Variants in NCBP3 observed in about 807,000 individuals in gnomAD.
NCBP3 encodes the protein nuclear cap binding subunit 3, also known as nuclear cap-binding protein subunit 3.
A neutral mutation model predicts 75.7 loss-of-function variants in NCBP3; 20 were observed. That is an observed-to-expected ratio of 0.26 (90% confidence interval 0.19 to 0.38). The LOEUF (loss-of-function observed/expected upper bound fraction) is 0.38, where lower values mean the gene tolerates loss of function less well. Ranked by LOEUF, NCBP3 falls within the 10% of genes least tolerant of loss-of-function variation. NCBP3 has a pLI of 1.00. For missense variants in NCBP3, 678 were observed against 796.9 expected (o/e 0.85, Z 1.80); for synonymous variants, 293 against 290.5 (o/e 1.01, Z -0.09).
At chr17:3,831,498 G>A (rs1471230879) in intron 3 of NCBP3, among the ~76,000 whole-genome samples, 6 of 144,932 alleles carry the variant, frequency 4.1e-5, no homozygotes, top group East Asian at 2.2e-4. Flanking sequence ...GCGTGAACCC[G>A]GGAGGCGGAG....
intron 7 of NCBP3, among the ~76,000 whole-genome samples, chr17:3,823,460 G>T (rs577626526): frequency 6.6e-6 from 1 of 152,244 alleles, no homozygotes; most frequent in Non-Finnish European, 1.5e-5. Flanking sequence ...AAAACAGAAG[G>T]CTCTTCCTTA....
chr17:3,830,609 G>A (rs1486517900), intron 3 of NCBP3, among the ~76,000 whole-genome samples: 1 of 152,202 alleles, frequency 6.6e-6, no homozygotes, highest in Non-Finnish European at 1.5e-5. Context: ...TATTTTTTGA[G>A]ATGGAGTCTC....
chr17:3,836,999 T>C (rs780871665), intron 3 of NCBP3, among the ~76,000 whole-genome samples: 101 of 146,006 alleles, frequency 6.9e-4, no homozygotes, highest in Non-Finnish European at 1.2e-3. Flanking sequence ...ATACAAAAAA[T>C]TAGTTGGGCA....
intron 9 of NCBP3, among the ~76,000 whole-genome samples, chr17:3,819,461 G>A (rs2053618980): frequency 6.6e-6 from 1 of 151,970 alleles, no homozygotes; most frequent in Non-Finnish European, 1.5e-5. Flanking sequence ...TCGGGAGGCT[G>A]AGGTAGGAGA....
chr17:3,846,173 C>T lies in NCBP3; in HGVS notation c.51G>A (p.Ala17=). The part of the protein sequence containing the change: ...LRVSVKAEAP[A]GPALGLPSPE... ...GGGACGGGAGCCCCAGGGCCGGCCCCGCCGGGGCCTCCGCCTTCACCGACA... is the reference window on the plus strand; with the variant it reads ...GGGACGGGAGCCCCAGGGCCGGCCCTGCCGGGGCCTCCGCCTTCACCGACA... The change falls in exon 1 of 13, where the codon GCG becomes GCA. Residue 17 remains alanine (A), a synonymous_variant. Transcript: ENST00000389005. The surrounding 1 kb of genome is among the most constrained non-coding windows in gnomAD (Gnocchi z 4.6). 3 of 1,522,564 alleles carry T rather than the reference C, an allele frequency of 2.0e-6. No homozygotes were observed. The highest frequency in any genetic ancestry group is 1.2e-5 in the South Asian group (1 of 82,584). 94.3% of individuals were successfully genotyped at this position (1,522,564 alleles called of 1,614,324 possible).
chr17:3,843,278 C>T (rs2143722509), intron 1 of NCBP3, 127 bp from the exon 2 acceptor site: 5 of 718,868 alleles, frequency 7.0e-6, no homozygotes, highest in Non-Finnish European at 2.3e-6. Flanking sequence ...CAGTGTCTTG[C>T]TCTGTTGCCC....
chr17:3,826,182 G>A lies in NCBP3; in HGVS notation c.515C>T (p.Thr172Ile). 6.4e-7 allele frequency: 1 copy of A among 1,550,926 alleles called. No homozygotes were observed. The highest frequency in any genetic ancestry group is 8.7e-7 in the Non-Finnish European group (1 of 1,146,594). Residue 172 changes from threonine to isoleucine, a missense_variant, in exon 5 of 13, where the codon ACA (threonine) becomes ATA (isoleucine). Physicochemically the swap from Thr to Ile is moderately conservative, Grantham distance 89 (BLOSUM62 -1). Around this residue, in one of 7 missense-constraint regions of NCBP3, gnomAD observed 98 missense variants for 101.8 expected, o/e 0.96. Coordinates refer to ENST00000389005, the MANE Select transcript of NCBP3 (RefSeq NM_001114118.3). ...NVVWLDEMTA[T>I]RALINMSSLP... ...GGAGCTCATATTGATAAGTGCTCGT[G>A]TGGCTGTCATTTCATCCAGCCAAAC...
At chr17:3,815,417 C>A (rs1240007968) in intron 11 of NCBP3, among the ~76,000 whole-genome samples, 1 of 152,224 alleles carries the variant, frequency 6.6e-6, no homozygotes, top group Non-Finnish European at 1.5e-5. Flanking sequence ...AGCACCTAGA[C>A]CAGGGTCTGG....
intron 12 of NCBP3, among the ~76,000 whole-genome samples, chr17:3,813,907 C>G (rs1367793253): frequency 6.6e-6 from 1 of 152,002 alleles, no homozygotes; most frequent in East Asian, 1.9e-4. Flanking sequence ...CAAGTGATCC[C>G]CCCGTCTCGG....
chr17:3,831,149 G>A (rs1431314871), intron 3 of NCBP3, among the ~76,000 whole-genome samples: 1 of 150,878 alleles, frequency 6.6e-6, no homozygotes, highest in Non-Finnish European at 1.5e-5. Flanking sequence ...GACCTCAGGT[G>A]ATCCGCCTGC....
rs1229206191 is a variant in NCBP3 at position 3,832,436 on chromosome 17, C to G, written c.356-3068G>C. Among the ~76,000 whole-genome samples, 11 of 117,798 alleles carry G rather than the reference C, an allele frequency of 9.3e-5. 4 individuals carry two copies. The highest frequency in any genetic ancestry group is 2.2e-4 in the Non-Finnish European group (11 of 49,116). The allele number at this position is 117,798 out of a possible 152,430, so 77.3% of individuals were successfully genotyped here. On this transcript the variant is annotated intron_variant, in intron 3 of 12. Transcript: ENST00000389005. ...ATCACAAGGTCAGATCGAGACCATC[C>G]TGGCCAACACGGTGAAACCCCGTCT...
chr17:3,818,398 G>T lies in NCBP3; in HGVS notation c.1175C>A (p.Ser392Tyr). The change falls in exon 10 of 13, where the codon TCC becomes TAC. Residue 392 changes from serine (S) to tyrosine (Y), a missense_variant. By Grantham distance (144) the Ser-to-Tyr change is moderately radical. Transcript: ENST00000389005. This position sits in a 1 kb window ranked among gnomAD's most constrained non-coding sequence, Gnocchi z 4.7. ...QPRERSASRRSSASSSDSDEM... is the reference protein window; with the variant it reads ...QPRERSASRRYSASSSDSDEM... The stretch of plus-strand genomic sequence containing the variant: ...ATCTGAGTCTGAGCTGCTGGCACTG[G>T]ATCGTCTAGACGCGCTCCGCTCCCG... 1.9e-6 allele frequency: 3 copies of T among 1,614,122 alleles called. No individual in the cohort carries two copies. Among genetic ancestry groups the T allele is most frequent in the Non-Finnish European group, 2.5e-6 (3 of 1,180,004 alleles).
At chr17:3,820,362 T>C (rs1331933479) in intron 9 of NCBP3, among the ~76,000 whole-genome samples, 1 of 152,244 alleles carries the variant, frequency 6.6e-6, no homozygotes, top group African/African-American at 2.4e-5. Flanking sequence ...AATGTGTGTA[T>C]ATGTTATTTT....
In NCBP3 at chr17:3,818,254, A is replaced by C. The variant is rs748883767; in HGVS notation, c.1310+9T>G. Reference sequence around the variant, plus strand: ...ATTAAAAGCTAGCTTTGATAAAACAAATTTTTACCTAATATTTTTCAACTG... The same window carrying C: ...ATTAAAAGCTAGCTTTGATAAAACACATTTTTACCTAATATTTTTCAACTG... On this transcript the variant is annotated intron_variant, in intron 10 of 12. Transcript: ENST00000389005. This position sits in a 1 kb window ranked among gnomAD's most constrained non-coding sequence, Gnocchi z 4.7. 6.4e-7 allele frequency: 1 copy of C among 1,559,868 alleles called. No homozygotes were observed. Among genetic ancestry groups the C allele is most frequent in the African/African-American group, 1.4e-5 (1 of 72,848 alleles).
intron 7 of NCBP3, chr17:3,824,349 CACACAT>C (rs1305611027): frequency 1.3e-5 from 2 of 148,776 alleles, no homozygotes; most frequent in Non-Finnish European, 3.0e-5. Flanking sequence ...TACATACACA[CACACAT>C]ACACACACAC....
intron 10 of NCBP3, among the ~76,000 whole-genome samples, chr17:3,817,216 A>AAT (rs2053551800): frequency 6.6e-6 from 1 of 151,980 alleles, no homozygotes; most frequent in African/African-American, 2.4e-5. Flanking sequence ...TGCACATTAA[A>AAT]ATAACTATTT....
chr17:3,815,035 T>C (rs2053503519), intron 11 of NCBP3, among the ~76,000 whole-genome samples: 3 of 152,212 alleles, frequency 2.0e-5, no homozygotes, highest in Admixed American at 1.3e-4. Flanking sequence ...CCTCTCACTT[T>C]AGCTTCTCTC....
rs2053380366 is a variant in NCBP3 at position 3,809,713 on chromosome 17, AAAT to A, written c.*3328_*3330del. On this transcript the variant is annotated 3_prime_UTR_variant, in exon 13 of 13. Transcript: ENST00000389005. ...AAGAGCGAAACTGTGTCTCAAAAAT[AAAT>A]AATAGAAATAGAAATATATATATAT... The A allele has an allele frequency of 6.6e-6, 1 of 152,254 alleles. No individual in the cohort carries two copies. The highest frequency in any genetic ancestry group is 6.5e-5 in the Admixed American group (1 of 15,288). The allele number at this position is 152,254 out of a possible 1,614,324, so 9.4% of individuals were successfully genotyped here.
intron 4 of NCBP3, 36 bp from the exon 5 acceptor site, chr17:3,826,251 T>C: frequency 6.6e-7 from 1 of 1,514,550 alleles, no homozygotes; most frequent in South Asian, 1.2e-5. Flanking sequence ...TTACACAGCA[T>C]GGAAATGGTA....
Sources: allele counts gnomAD v4.1 joint callset (sites outside exome capture counted in the v4.1 genomes callset), GRCh38; gene constraint gnomAD v4.1.1; regional missense constraint gnomAD v4.1.1; non-coding constraint Gnocchi (gnomAD v3.1); transcripts MANE v1.5; gene names NCBI Gene and HGNC (gene_info 2026-07-23, HGNC 2026-07-21).